RAB7A: variants seen among roughly 807,000 people sequenced by gnomAD.
The protein encoded by RAB7A is RAB7A, member RAS oncogene family, also known as ras-related protein Rab-7a.
A neutral mutation model predicts 24.5 loss-of-function variants in RAB7A; 2 were observed. The ratio of observed to expected loss-of-function variants is 0.08; its 90% CI spans 0.03 to 0.26. RAB7A has a LOEUF of 0.26. Among genes scored for constraint, RAB7A ranks in the 10% least tolerant of loss-of-function variants. The pLI is 1.00. For missense variants in RAB7A, 118 were observed against 255.7 expected (o/e 0.46, Z 3.67); for synonymous variants, 100 against 95.9 (o/e 1.04, Z -0.25).
At chr3:128,759,537 G>T (rs529222313) in intron 1 of RAB7A, among the ~76,000 whole-genome samples, 1 of 152,210 alleles carries the variant, frequency 6.6e-6, no homozygotes, top group Admixed American at 6.5e-5. Flanking sequence ...TCCTTTGCAG[G>T]AATGTAGCTT....
At chr3:128,792,070 T>G (rs964669600) in intron 1 of RAB7A, among the ~76,000 whole-genome samples, 1 of 152,218 alleles carries the variant, frequency 6.6e-6, no homozygotes, top group Non-Finnish European at 1.5e-5. Context: ...TTATATTAAA[T>G]AAAGAGCGGG....
chr3:128,727,503 T>A (rs1464792687), intron 1 of RAB7A, among the ~76,000 whole-genome samples: 1 of 152,214 alleles, frequency 6.6e-6, no homozygotes, highest in Non-Finnish European at 1.5e-5. Flanking sequence ...AGTTCTCCCT[T>A]AAAGCCATAA....
chr3:128,734,448 C>T (rs1473617016), intron 1 of RAB7A, among the ~76,000 whole-genome samples: 4 of 124,370 alleles, frequency 3.2e-5, no homozygotes, highest in Non-Finnish European at 6.5e-5. Context: ...GAATGAGACC[C>T]TACCTCAAAA....
chr3:128,801,913 A>G (rs1323700377), intron 3 of RAB7A, among the ~76,000 whole-genome samples: 1 of 152,218 alleles, frequency 6.6e-6, no homozygotes, highest in Non-Finnish European at 1.5e-5. Flanking sequence ...AAACCTGACA[A>G]GCACAGCACT....
rs540461736 is a variant in RAB7A, at chr3:128,790,438, G to A, written c.-8-4922G>A. ...GTAATGTGCTCCTCTAAGAGTCACA[G>A]TTAAGTATAAGGAAACAAAAACATC... On this transcript the variant is annotated intron_variant, in intron 1 of 5. Transcript: ENST00000265062. Among the ~76,000 whole-genome samples the A allele has an allele frequency of 2.8e-3, 430 of 152,332 alleles. 1 individual carries two copies. Among genetic ancestry groups the A allele is most frequent in the African/African-American group, 9.5e-3 (393 of 41,576 alleles).
At chr3:128,760,733 C>T (rs544884609) in intron 1 of RAB7A, among the ~76,000 whole-genome samples, 5 of 152,188 alleles carry the variant, frequency 3.3e-5, no homozygotes, top group Non-Finnish European at 7.3e-5. Context: ...AGAAAAACAG[C>T]CTCTAGCTTA....
intron 1 of RAB7A, among the ~76,000 whole-genome samples, chr3:128,763,605 G>C (rs149087682): frequency 1.3e-5 from 2 of 152,032 alleles, no homozygotes; most frequent in Admixed American, 6.5e-5. Context: ...TTTAATCATG[G>C]TATTAAGGTA....
chr3:128,794,097 TGAGAAA>T (rs1385587946), intron 1 of RAB7A, among the ~76,000 whole-genome samples: 2 of 152,320 alleles, frequency 1.3e-5, no homozygotes, highest in African/African-American at 4.8e-5. Flanking sequence ...TACCACCTCT[TGAGAAA>T]GAGAACAATT....
chr3:128,789,571 G>C (rs1316575669), intron 1 of RAB7A, among the ~76,000 whole-genome samples: 2 of 151,966 alleles, frequency 1.3e-5, no homozygotes, highest in Admixed American at 6.5e-5. Context: ...GACCTCAAGT[G>C]ATCTGCCCGC....
chr3:128,814,290 G>A lies in RAB7A; in HGVS notation c.*868G>A, dbSNP rs1449062629. On this transcript the variant is annotated 3_prime_UTR_variant, in exon 6 of 6. Coordinates refer to ENST00000265062, the MANE Select transcript of RAB7A (RefSeq NM_004637.6). ...CCAAAAAGCTTTTCATCTCTCCAGGGGGAAAACTGTCTAGTTCCCTTCTGT... is the reference window on the plus strand; with the variant it reads ...CCAAAAAGCTTTTCATCTCTCCAGGAGGAAAACTGTCTAGTTCCCTTCTGT... 1.3e-5 allele frequency: 2 copies of A among 152,760 alleles called. No individual in the cohort carries two copies. The highest frequency in any genetic ancestry group is 4.8e-5 in the African/African-American group (2 of 41,428). The allele number at this position is 152,760 out of a possible 1,614,324, so 9.5% of individuals were successfully genotyped here.
chr3:128,778,535 G>A (rs1442155044), intron 1 of RAB7A, among the ~76,000 whole-genome samples: 1 of 152,074 alleles, frequency 6.6e-6, no homozygotes, highest in Non-Finnish European at 1.5e-5. Context: ...ATATTTCTTG[G>A]GCAGTTAAAA....
At chr3:128,793,306 C>A (rs1463330180) in intron 1 of RAB7A, among the ~76,000 whole-genome samples, 2 of 151,996 alleles carry the variant, frequency 1.3e-5, no homozygotes, top group African/African-American at 4.8e-5. Flanking sequence ...CAGGTATGAG[C>A]CACTGTGCCC....
At chr3:128,813,173 G>A (rs533730565) in intron 5 of RAB7A, among the ~76,000 whole-genome samples, 154 bp from the exon 6 acceptor site, 392 of 152,298 alleles carry the variant, frequency 2.6e-3, no homozygotes, top group African/African-American at 9.0e-3. Context: ...CTGCCAGAGC[G>A]CTCCCTTAAC....
intron 1 of RAB7A, among the ~76,000 whole-genome samples, chr3:128,755,640 T>C (rs2070723347): frequency 6.6e-6 from 1 of 152,226 alleles, no homozygotes; most frequent in Non-Finnish European, 1.5e-5. Flanking sequence ...CTTTGCTCAG[T>C]TCCTGGGACT....
intron 1 of RAB7A, 199 bp from the exon 2 acceptor site, chr3:128,795,161 C>T: frequency 1.6e-6 from 1 of 627,278 alleles, no homozygotes; most frequent in Non-Finnish European, 2.9e-6. Context: ...CCCTGCTGTG[C>T]TGTTCTGCCT....
chr3:128,797,969 A>G lies in RAB7A; in HGVS notation c.80A>G (p.Gln27Arg), dbSNP rs1286235403. 2 of 1,613,776 alleles carry G rather than the reference A, an allele frequency of 1.2e-6. No homozygotes were observed. The highest frequency in any genetic ancestry group is 1.3e-5 in the African/African-American group (1 of 74,914). The change falls in exon 3 of 6, where the codon CAG becomes CGG. Residue 27 changes from glutamine (Q) to arginine (R), a missense_variant. Around this residue, in one of 2 missense-constraint regions of RAB7A, gnomAD observed 52 missense variants for 173.5 expected, o/e 0.30. Transcript: ENST00000265062. Reference protein sequence around the residue: ...SGVGKTSLMNQYVNKKFSNQY... With the variant: ...SGVGKTSLMNRYVNKKFSNQY... ...GTCGGGAAGACATCACTCATGAACC[A>G]GTATGTGAATAAGAAATTCAGCAAT...
At chr3:128,727,420 A>G (rs1014621748) in intron 1 of RAB7A, among the ~76,000 whole-genome samples, 8 of 152,212 alleles carry the variant, frequency 5.3e-5, no homozygotes, top group Admixed American at 2.6e-4. Context: ...GCTACCTGGT[A>G]TCTGTACCTC....
chr3:128,785,188 G>A (rs1408564437), intron 1 of RAB7A: 1 of 152,242 alleles, frequency 6.6e-6, no homozygotes, highest in Non-Finnish European at 1.5e-5. Context: ...AGCCACTCAG[G>A]AGGCTGAGGC....
At chr3:128,736,157 C>CT (rs774755621) in intron 1 of RAB7A, among the ~76,000 whole-genome samples, 137 of 144,168 alleles carry the variant, frequency 9.5e-4, no homozygotes, top group East Asian at 3.0e-3. Flanking sequence ...TGATTTGTCT[C>CT]TTTTTTTTTT....
Sources: allele counts gnomAD v4.1 joint callset (sites outside exome capture counted in the v4.1 genomes callset), GRCh38; gene constraint gnomAD v4.1.1; regional missense constraint gnomAD v4.1.1; transcripts MANE v1.5; gene names NCBI Gene and HGNC (gene_info 2026-07-23, HGNC 2026-07-21).